Variants in DDX27 observed in about 807,000 individuals in gnomAD.
DDX27 encodes DEAD-box helicase 27.
Under a neutral mutation model 99.3 loss-of-function variants are expected in DDX27, and 42 were observed. That is an observed-to-expected ratio of 0.42 (90% CI 0.33 to 0.55). DDX27 has a LOEUF of 0.55. DDX27 is among the 20% of genes least tolerant of loss of function. The probability of loss-of-function intolerance (pLI) is 0.07; values close to 1 mark genes in which losing one functional copy is unlikely to be tolerated. For missense variants in DDX27, 798 were observed against 976.8 expected (o/e 0.82, Z 2.44); for synonymous variants, 329 against 353.8 (o/e 0.93, Z 0.79).
chr20:49,229,098 C>T (rs1016617885), intron 8 of DDX27, among the ~76,000 whole-genome samples: 34 of 144,450 alleles, frequency 2.4e-4, no homozygotes, highest in Non-Finnish European at 4.0e-4. Context: ...AGTGCAGTGG[C>T]GCAATCTTGG....
At chr20:49,229,030 C>A in intron 8 of DDX27, 142 bp downstream of exon 8, 33 of 286,492 alleles carry the variant, frequency 1.2e-4, no homozygotes, top group Non-Finnish European at 1.7e-4. Flanking sequence ...AACTGGAAGA[C>A]TTTTTTTTTT....
Position 49,226,462 on chromosome 20 carries a change from C to A in DDX27, c.633C>A (p.Thr211=). 6.2e-7 allele frequency: 1 copy of A among 1,614,028 alleles called. No individual in the cohort carries two copies. Among genetic ancestry groups the A allele is most frequent in the Non-Finnish European group, 8.5e-7 (1 of 1,179,990 alleles). Residue 211 remains threonine (T), a synonymous_variant, in exon 7 of 21, where the codon ACC becomes ACA. Coordinates refer to ENST00000618172, the MANE Select transcript of DDX27 (RefSeq NM_017895.8). The stretch of plus-strand genomic sequence containing the variant: ...CAGCCATGGGCTTCAAGCAGCCCAC[C>A]CCGATCCAGAAGGCGTGCATACCTG... The part of the protein sequence containing the change: ...AITAMGFKQP[T]PIQKACIPVG...
At position 49,233,353 on chromosome 20, in the gene DDX27, T is replaced by C; in HGVS notation, c.1079T>C (p.Met360Thr). The change falls in exon 10 of 21, where the codon ATG becomes ACG. Residue 360 changes from methionine to threonine, a missense_variant. Met to Thr is a moderately conservative substitution (Grantham distance 81). Around this residue, in one of 2 missense-constraint regions of DDX27, gnomAD observed 553 missense variants for 727.9 expected, o/e 0.76. Coordinates refer to ENST00000618172, the MANE Select transcript of DDX27 (RefSeq NM_017895.8). ...FEEQMKEIIR[M>T]CSHHRQTMLF... ...GAGCAGATGAAGGAGATCATCCGAA[T>C]GTGTTCCCACCACCGCCAGACCATG... is the stretch of plus-strand genomic sequence containing the variant. 2 of 1,614,034 alleles carry C rather than the reference T, an allele frequency of 1.2e-6. No homozygotes were observed. Among genetic ancestry groups the C allele is most frequent in the Non-Finnish European group, 1.7e-6 (2 of 1,180,018 alleles).
chr20:49,221,450 A>G lies in DDX27; in HGVS notation c.94-2A>G, dbSNP rs1979680114. 1 of 1,612,962 alleles carries G rather than the reference A, an allele frequency of 6.2e-7. No homozygotes were observed. The highest frequency in any genetic ancestry group is 1.3e-5 in the African/African-American group (1 of 74,850). On this transcript the variant is annotated splice_acceptor_variant, in intron 1 of 20. Transcript: ENST00000618172. LOFTEE classifies it high-confidence loss of function. ...AGTCACTCTGTCTCTTACTCTTCCC[A>G]GGGGCCCATTGTGCTGGGCAGACGA...
In DDX27 at chr20:49,235,105, G is replaced by C. The variant is rs372458022; in HGVS notation, c.1427+17G>C. 6 of 1,577,060 alleles carry C rather than the reference G, an allele frequency of 3.8e-6. No individual in the cohort carries two copies. The African/African-American group carries it at 4.1e-5, about 11-fold the overall frequency. ...GGCCCTCCGGTAACATTTGGGGTGG[G>C]GACTGAGGCTCCCACCATCCTTCTG... is the stretch of plus-strand genomic sequence containing the variant. On this transcript the variant is annotated intron_variant, in intron 12 of 20. Transcript: ENST00000618172.
Position 49,221,564 on chromosome 20 carries a change from C to A in DDX27, c.206C>A (p.Ala69Asp). Residue 69 changes from alanine (A) to aspartate (D), a missense_variant, in exon 2 of 21, where the codon GCC becomes GAC. Around this residue, in one of 2 missense-constraint regions of DDX27, gnomAD observed 245 missense variants for 248.8 expected, o/e 0.98. Transcript: ENST00000618172. ...EKEGTYDGSW[A>D]LADVMSQLKK... ...GAGGGGACGTACGATGGCAGCTGGG[C>A]CCTGGCTGATGTCATGAGCCAACTC... 1.9e-6 allele frequency: 3 copies of A among 1,610,946 alleles called. No individual in the cohort carries two copies. Among genetic ancestry groups the A allele is most frequent in the Non-Finnish European group, 2.5e-6 (3 of 1,178,398 alleles).
intron 11 of DDX27, chr20:49,234,603 C>T (rs1034299708): frequency 1.6e-5 from 3 of 193,066 alleles, no homozygotes; most frequent in Non-Finnish European, 3.2e-5. Flanking sequence ...TTCCTGCCTC[C>T]GGGCCTTCAT....
intron 4 of DDX27, among the ~76,000 whole-genome samples, chr20:49,224,463 A>G (rs996676815): frequency 1.3e-5 from 2 of 151,428 alleles, no homozygotes; most frequent in South Asian, 4.2e-4. Context: ...CCCGGGTGCA[A>G]GCAACTCTCC....
chr20:49,223,538 G>A, intron 4 of DDX27, 105 bp downstream of exon 4: 5 of 1,108,388 alleles, frequency 4.5e-6, no homozygotes, highest in Non-Finnish European at 6.3e-6. Context: ...TTATCTTTAA[G>A]CTGTTCTGCC....
intron 14 of DDX27, among the ~76,000 whole-genome samples, chr20:49,237,377 A>T (rs77092421): frequency 1.3e-4 from 1 of 7,922 alleles, no homozygotes; most frequent in Admixed American, 6.5e-4. Context: ...ATTAGTAAAT[A>T]AAAAAAAATG....
chr20:49,222,046 A>G (rs1423549556), intron 2 of DDX27, among the ~76,000 whole-genome samples: 2 of 152,000 alleles, frequency 1.3e-5, no homozygotes, highest in Non-Finnish European at 2.9e-5. Context: ...TTTCCATTTC[A>G]TGTCTTCAAA....
In DDX27 at chr20:49,224,800, A is replaced by C. The variant is rs1171010149; in HGVS notation, c.467-145A>C. On this transcript the variant is annotated intron_variant, in intron 4 of 20. Transcript: ENST00000618172. ...GCAAGTTACTTCACCATGCTGCCAC[A>C]AAGTGTCCTCATCTGTGAAACAAGG... The C allele has an allele frequency of 1.2e-5, 10 of 812,500 alleles. No individual in the cohort carries two copies. The East Asian group carries it at 1.5e-4, about 13-fold the overall frequency. The allele number at this position is 812,500 out of a possible 1,614,324, so 50.3% of individuals were successfully genotyped here.
Position 49,238,930 on chromosome 20 carries a change from T to C in DDX27, c.1688-19T>C. ...GGCCTACCCTTATTTGTAAATCCTT[T>C]TTATTTTCTCCCATTGAGATGTCAT... On this transcript the variant is annotated intron_variant, in intron 14 of 20. Transcript: ENST00000618172. 6.3e-7 allele frequency: 1 copy of C among 1,593,474 alleles called. No homozygotes were observed. Among genetic ancestry groups the C allele is most frequent in the Non-Finnish European group, 8.6e-7 (1 of 1,161,412 alleles).
chr20:49,221,698 T>C (rs1979694290), intron 2 of DDX27, 100 bp downstream of exon 2: 1 of 1,042,690 alleles, frequency 9.6e-7, no homozygotes, highest in African/African-American at 1.6e-5. Context: ...TCTGTTTACA[T>C]TCAGCAGATA....
rs1980513774 is a variant in DDX27 at position 49,242,575 on chromosome 20, C to G, written c.2117-19C>G. 6.2e-7 allele frequency: 1 copy of G among 1,611,134 alleles called. No homozygotes were observed. Among genetic ancestry groups the G allele is most frequent in the Middle Eastern group, 1.7e-4 (1 of 6,046 alleles). The stretch of plus-strand genomic sequence containing the variant: ...TGGGCCAAAGACAACCATATGTAAC[C>G]CATTCTCTCTGTGCACAGCCAAGAA... On this transcript the variant is annotated intron_variant, in intron 18 of 20. Coordinates refer to ENST00000618172, the MANE Select transcript of DDX27 (RefSeq NM_017895.8).
In DDX27 at chr20:49,230,238, C is replaced by A; in HGVS notation, c.920C>A (p.Ala307Glu). The A allele has an allele frequency of 6.2e-7, 1 of 1,613,286 alleles. No individual in the cohort carries two copies. Among genetic ancestry groups the A allele is most frequent in the Non-Finnish European group, 8.5e-7 (1 of 1,179,986 alleles). Residue 307 changes from alanine to glutamate, a missense_variant, in exon 9 of 21, where the codon GCA (alanine) becomes GAA (glutamate). By Grantham distance (107) the Ala-to-Glu change is moderately radical (BLOSUM62 -1). This residue lies in a region of DDX27 where 553 missense variants were observed against 727.9 expected (regional missense o/e 0.76). Transcript: ENST00000618172. ...DVKSQEAALRAAPDILIATPG... is the reference protein window; with the variant it reads ...DVKSQEAALREAPDILIATPG... ...AAGTCTCAGGAAGCAGCTCTTCGGGCAGCGCCTGACATCCTCATCGCCACC... is the reference window on the plus strand; with the variant it reads ...AAGTCTCAGGAAGCAGCTCTTCGGGAAGCGCCTGACATCCTCATCGCCACC...
At chr20:49,241,512 G>A (rs550158977) in intron 16 of DDX27, among the ~76,000 whole-genome samples, 63 of 150,204 alleles carry the variant, frequency 4.2e-4, no homozygotes, top group East Asian at 1.2e-3. Flanking sequence ...TCGCTCTGTC[G>A]CCCAGGCTGG....
At chr20:49,223,549 T>A in intron 4 of DDX27, 116 bp downstream of exon 4, 1 of 928,570 alleles carries the variant, frequency 1.1e-6, no homozygotes, top group Non-Finnish European at 1.6e-6. Flanking sequence ...CTGTTCTGCC[T>A]ACTACATTGA....
intron 4 of DDX27, among the ~76,000 whole-genome samples, chr20:49,223,781 T>A (rs1979778727): frequency 6.6e-6 from 1 of 152,080 alleles, no homozygotes; most frequent in East Asian, 1.9e-4. Flanking sequence ...CTCAGGTGGC[T>A]GAGGTACGAG....
Sources: allele counts gnomAD v4.1 joint callset (sites outside exome capture counted in the v4.1 genomes callset), GRCh38; gene constraint gnomAD v4.1.1; regional missense constraint gnomAD v4.1.1; transcripts MANE v1.5; gene names NCBI Gene and HGNC (gene_info 2026-07-23, HGNC 2026-07-21).